The following EVL variants were observed in gnomAD, a reference collection of about 807,000 sequenced individuals.
EVL encodes Enah/Vasp-like, also known as ena/VASP-like protein.
In EVL, 21 loss-of-function variants were observed where a neutral mutation model predicts 59.6. The observed-to-expected ratio is 0.35, with a 90% CI of 0.25 to 0.51. EVL has a LOEUF of 0.51. Among genes scored for constraint, EVL ranks in the 20% least tolerant of loss-of-function variants. EVL has a pLI of 0.97. For missense variants in EVL, 462 were observed against 546.6 expected (o/e 0.85, Z 1.54); for synonymous variants, 198 against 203.5 (o/e 0.97, Z 0.23).
chr14:99,983,593 CA>C (rs2060822135), intron 1 of EVL, among the ~76,000 whole-genome samples: 1 of 152,232 alleles, frequency 6.6e-6, no homozygotes, highest in Admixed American at 6.5e-5. Flanking sequence ...CCAGCACTCT[CA>C]ACCATTCTCT....
chr14:99,973,498 T>C (rs1277916514), intron 1 of EVL, among the ~76,000 whole-genome samples: 1 of 152,246 alleles, frequency 6.6e-6, no homozygotes, highest in African/African-American at 2.4e-5. Context: ...AGTCTCGCTC[T>C]GTTGCCCAGG....
chr14:100,143,894 A>G lies in EVL; in HGVS notation c.*156A>G. 1 of 809,122 alleles carries G rather than the reference A, an allele frequency of 1.2e-6. No individual in the cohort carries two copies. The highest frequency in any genetic ancestry group is 1.9e-5 in the South Asian group (1 of 52,762). 50.1% of individuals were successfully genotyped at this position (809,122 alleles called of 1,614,324 possible). On this transcript the variant is annotated 3_prime_UTR_variant, in exon 14 of 14. Transcript: ENST00000392920. ...TGACCTGTGATCACACATGACAGTG[A>G]GGAAACCAAGTGCAACTCCTGGGTT...
intron 1 of EVL, among the ~76,000 whole-genome samples, chr14:99,985,920 G>A (rs866318333): frequency 3.3e-5 from 5 of 152,000 alleles, no homozygotes; most frequent in Admixed American, 1.3e-4. Flanking sequence ...AAAGATGTTC[G>A]ACCTAGCACA....
intron 3 of EVL, among the ~76,000 whole-genome samples, chr14:100,103,431 A>G (rs1475068349): frequency 1.3e-5 from 2 of 152,068 alleles, no homozygotes; most frequent in East Asian, 3.9e-4. Context: ...AGCCCTCTGG[A>G]TCCAGCCTAG....
In EVL at chr14:100,047,118, C is replaced by CTCTTTTTTTTTTT. The variant is rs1566983192; in HGVS notation, c.6-37568_6-37567insCTTTTTTTTTTTT. ...TGAGACCTTGGGCAGATCTCTCTCT[C>CTCTTTTTTTTTTT]TTTTTTTTTTTTTTTTTTTTTTTTT... is the stretch of plus-strand genomic sequence containing the variant. On this transcript the variant is annotated intron_variant, in intron 1 of 13. Coordinates refer to the EVL transcript ENST00000402714. Among the ~76,000 whole-genome samples the CTCTTTTTTTTTTT allele has an allele frequency of 1.6e-3, 38 of 23,876 alleles. 1 individual carries two copies. Among genetic ancestry groups the CTCTTTTTTTTTTT allele is most frequent in the African/African-American group, 5.0e-3 (36 of 7,272 alleles). The allele number at this position is 23,876 out of a possible 152,430, so 15.7% of individuals were successfully genotyped here. A position where few individuals can be genotyped will look rare whatever the true frequency, so the allele number is the denominator to read the frequency against.
Position 100,121,290 on chromosome 14 carries a change from C to G in EVL, c.359-2249C>G, listed in dbSNP as rs1302716214. ...GCAATGACCTTCCCTGTCCCTCCCC[C>G]CGACTGCCACGGGGAAGCTGTGCCG... On this transcript the variant is annotated intron_variant, in intron 3 of 13. Coordinates refer to ENST00000392920, the MANE Select transcript of EVL (RefSeq NM_016337.3). Among the ~76,000 whole-genome samples the G allele has an allele frequency of 2.6e-5, 4 of 152,328 alleles. No homozygotes were observed. In the East Asian group the frequency reaches 7.7e-4, roughly 29 times the overall value.
intron 1 of EVL, among the ~76,000 whole-genome samples, chr14:100,005,809 G>A (rs1203260800): frequency 6.6e-6 from 1 of 151,858 alleles, no homozygotes; most frequent in East Asian, 1.9e-4. Flanking sequence ...ACCAGAAAGG[G>A]CTTGATTTAG....
intron 1 of EVL, among the ~76,000 whole-genome samples, chr14:100,007,827 A>G (rs901786753): frequency 2.6e-5 from 4 of 151,522 alleles, no homozygotes; most frequent in African/African-American, 9.7e-5. Flanking sequence ...GAGAAAGAGA[A>G]AGAAAGAAAA....
chr14:100,006,283 C>CTT lies in EVL; in HGVS notation c.5+34244_5+34245dup, dbSNP rs1195149750. Among the ~76,000 whole-genome samples the CTT allele has an allele frequency of 5.1e-3, 672 of 132,152 alleles. 5 individuals carry two copies. Among genetic ancestry groups the CTT allele is most frequent in the Non-Finnish European group, 7.8e-3 (484 of 61,940 alleles). 86.7% of individuals were successfully genotyped at this position (132,152 alleles called of 152,430 possible). On this transcript the variant is annotated intron_variant, in intron 1 of 13. Coordinates refer to the EVL transcript ENST00000402714. ...CAAATAAAACCAGCTGGTTGTTAAT[C>CTT]TTTTTTTTTTTTTTTTTTTGAGACA... is the stretch of plus-strand genomic sequence containing the variant.
chr14:100,078,638 A>T (rs1040453867), intron 1 of EVL, among the ~76,000 whole-genome samples: 1 of 152,160 alleles, frequency 6.6e-6, no homozygotes, highest in Non-Finnish European at 1.5e-5. Flanking sequence ...GGTGGGGAAC[A>T]GCAGGAAGTA....
intron 5 of EVL, 88 bp from the exon 6 acceptor site, chr14:100,128,431 C>A: frequency 7.3e-7 from 1 of 1,369,762 alleles, no homozygotes; most frequent in Non-Finnish European, 1.0e-6. Context: ...CTGCCCCTGT[C>A]CTTCCTCCGG....
At chr14:100,062,362 T>G (rs1251648593), upstream of EVL, among the ~76,000 whole-genome samples, 7 of 151,914 alleles carry the variant, frequency 4.6e-5, no homozygotes, top group African/African-American at 1.7e-4. Flanking sequence ...ACTGAAGTGG[T>G]ACAATATTAA....
intron 2 of EVL, among the ~76,000 whole-genome samples, chr14:100,089,838 CTG>C (rs2062526276): frequency 6.6e-6 from 1 of 152,102 alleles, no homozygotes; most frequent in Non-Finnish European, 1.5e-5. Flanking sequence ...GAGGCTGAAG[CTG>C]GAGGATCACT....
chr14:100,040,678 C>A (rs2140232493), intron 1 of EVL, among the ~76,000 whole-genome samples: 1 of 152,256 alleles, frequency 6.6e-6, no homozygotes. Context: ...GAGGTTTTGC[C>A]TCAGTATGTC....
chr14:100,067,031 G>A (rs1363041192), intron 1 of EVL, among the ~76,000 whole-genome samples: 1 of 152,162 alleles, frequency 6.6e-6, no homozygotes, highest in Non-Finnish European at 1.5e-5. Context: ...GGAAATTGAG[G>A]CCCAGTGTGG....
intron 1 of EVL, among the ~76,000 whole-genome samples, chr14:100,058,822 G>T (rs1363945738): frequency 1.3e-5 from 2 of 152,112 alleles, no homozygotes; most frequent in Non-Finnish European, 2.9e-5. Context: ...CTTCTCAAGT[G>T]CTTCATTAAA....
Position 100,143,323 on chromosome 14 carries a change from C to T in EVL, c.1220-378C>T, listed in dbSNP as rs543312455. 3.5e-3 allele frequency among the ~76,000 whole-genome samples: 529 copies of T among 152,158 alleles called. 1 individual carries two copies. The highest frequency in any genetic ancestry group is 0.024 in the Middle Eastern group (7 of 290). ...TGTTGGGGGAAGGGCTCCCGGGCCCCCGGCACCTGGACACCCACCTGTCCA... is the reference window on the plus strand; with the variant it reads ...TGTTGGGGGAAGGGCTCCCGGGCCCTCGGCACCTGGACACCCACCTGTCCA... On this transcript the variant is annotated intron_variant, in intron 13 of 13. Transcript: ENST00000392920.
chr14:100,114,880 G>A lies in EVL; in HGVS notation c.359-8659G>A, dbSNP rs572137118. 9.2e-5 allele frequency among the ~76,000 whole-genome samples: 14 copies of A among 152,204 alleles called. No individual in the cohort carries two copies. Among genetic ancestry groups the A allele is most frequent in the Admixed American group, 7.2e-4 (11 of 15,292 alleles). On this transcript the variant is annotated intron_variant, in intron 3 of 13. Transcript: ENST00000392920. The surrounding 1 kb of genome is among the most constrained non-coding windows in gnomAD (Gnocchi z 5.0). ...TTTGCAATGACATCCTTGCGGAAGCGGCAGGGTGGAAGCAGCAGCTGGGTA... is the reference window on the plus strand; with the variant it reads ...TTTGCAATGACATCCTTGCGGAAGCAGCAGGGTGGAAGCAGCAGCTGGGTA...
chr14:100,024,866 G>C (rs1044819617), intron 1 of EVL, among the ~76,000 whole-genome samples: 2 of 152,024 alleles, frequency 1.3e-5, no homozygotes, highest in African/African-American at 4.8e-5. Flanking sequence ...CCAGTCAGCG[G>C]CAGCTCCGCA....
Sources: allele counts gnomAD v4.1 joint callset (sites outside exome capture counted in the v4.1 genomes callset), GRCh38; gene constraint gnomAD v4.1.1; non-coding constraint Gnocchi (gnomAD v3.1); transcripts MANE v1.5; gene names NCBI Gene and HGNC (gene_info 2026-07-23, HGNC 2026-07-21).